HAT1: variants seen among roughly 807,000 people sequenced by gnomAD.
The protein encoded by HAT1 is histone acetyltransferase type B catalytic subunit.
Under a neutral mutation model 56.6 loss-of-function variants are expected in HAT1, and 20 were observed. The ratio of observed to expected loss-of-function variants is 0.35; its 90% CI spans 0.25 to 0.51. HAT1 has a LOEUF of 0.51. Among genes scored for constraint, HAT1 ranks in the 20% least tolerant of loss-of-function variants. HAT1 has a pLI of 0.95. For missense variants in HAT1, 408 were observed against 504.3 expected, an observed-to-expected ratio of 0.81 and a Z score of 1.83; for synonymous variants, 146 against 165.5, an observed-to-expected ratio of 0.88 and a Z score of 0.91.
intron 4 of HAT1, among the ~76,000 whole-genome samples, chr2:171,963,611 A>G (rs1687623654): frequency 6.6e-6 from 1 of 152,214 alleles, no homozygotes; most frequent in African/African-American, 2.4e-5. Flanking sequence ...CCTTTTTAAA[A>G]GTAGTTTTTC....
At chr2:171,957,108 T>C (rs1001735870) in intron 4 of HAT1, among the ~76,000 whole-genome samples, 5 of 152,182 alleles carry the variant, frequency 3.3e-5, no homozygotes, top group Admixed American at 1.3e-4. Flanking sequence ...ATTAAAACTT[T>C]ATAGTGCAGC....
intron 2 of HAT1, among the ~76,000 whole-genome samples, chr2:171,926,316 G>A (rs1439577173): frequency 1.3e-5 from 2 of 151,890 alleles, no homozygotes; most frequent in African/African-American, 2.4e-5. Flanking sequence ...TTTTTGAGAC[G>A]GAGTTTCACT....
At chr2:171,957,135 A>G (rs1463019272) in intron 4 of HAT1, among the ~76,000 whole-genome samples, 1 of 152,190 alleles carries the variant, frequency 6.6e-6, no homozygotes, top group East Asian at 1.9e-4. Flanking sequence ...TGACAGGACA[A>G]AATGAAGGAA....
intron 3 of HAT1, among the ~76,000 whole-genome samples, chr2:171,951,872 A>G (rs1277894775): frequency 6.6e-6 from 1 of 152,162 alleles, no homozygotes; most frequent in African/African-American, 2.4e-5. Flanking sequence ...TGACCCAAGC[A>G]TGATAATTGG....
At chr2:171,977,543 ATATATATATATATAT>A (rs1224075976) in intron 9 of HAT1, among the ~76,000 whole-genome samples, 1 of 13,846 alleles carries the variant, frequency 7.2e-5, no homozygotes, top group African/African-American at 3.3e-4. Flanking sequence ...ATATATATAT[ATATATATATATATAT>A]TTTTTTTTTT....
chr2:171,967,518 A>C (rs1687710775), intron 8 of HAT1, among the ~76,000 whole-genome samples: 1 of 152,142 alleles, frequency 6.6e-6, no homozygotes, highest in Admixed American at 6.6e-5. Flanking sequence ...GCTTAGGAGA[A>C]GGAAAGACGA....
chr2:171,978,338 T>G (rs1385971145), intron 9 of HAT1, among the ~76,000 whole-genome samples: 1 of 152,176 alleles, frequency 6.6e-6, no homozygotes, highest in Non-Finnish European at 1.5e-5. Context: ...TGAGCCACCA[T>G]GTCCAGCCCT....
intron 8 of HAT1, among the ~76,000 whole-genome samples, chr2:171,973,656 C>G (rs1687873552): frequency 6.6e-6 from 1 of 152,148 alleles, no homozygotes; most frequent in Non-Finnish European, 1.5e-5. Flanking sequence ...GCATTAGATT[C>G]TCATAGGAGC....
chr2:171,926,354 C>T (rs2105961599), intron 2 of HAT1, among the ~76,000 whole-genome samples: 1 of 152,214 alleles, frequency 6.6e-6, no homozygotes, highest in South Asian at 2.1e-4. Flanking sequence ...AGTGCAATGG[C>T]GTGATCCTGG....
chr2:171,924,754 A>G (rs1686539081), intron 1 of HAT1: 1 of 152,086 alleles, frequency 6.6e-6, no homozygotes, highest in Non-Finnish European at 1.5e-5. Context: ...GTTACCAGAT[A>G]TTTGTGTATT....
At chr2:171,965,171 G>C in intron 4 of HAT1, 167 bp from the exon 5 acceptor site, 2 of 577,894 alleles carry the variant, frequency 3.5e-6, no homozygotes, top group East Asian at 2.9e-5. Flanking sequence ...GTGTGATGCA[G>C]TTTGTGCACA....
At chr2:171,923,175 A>G (rs1012071141) in intron 1 of HAT1, 4 of 152,072 alleles carry the variant, frequency 2.6e-5, no homozygotes, top group Admixed American at 1.3e-4. Flanking sequence ...TCAAGTTACA[A>G]CATTTAATAA....
At chr2:171,971,698 AT>A (rs1479969064) in intron 8 of HAT1, among the ~76,000 whole-genome samples, 1 of 152,112 alleles carries the variant, frequency 6.6e-6, no homozygotes, top group African/African-American at 2.4e-5. Flanking sequence ...ATAGCTTTAT[AT>A]TTTTTATTTA....
At chr2:171,924,730 C>G (rs1046514928) in intron 1 of HAT1, 1 of 152,030 alleles carries the variant, frequency 6.6e-6, no homozygotes, top group African/African-American at 2.4e-5. Flanking sequence ...CTTTCTTTAC[C>G]CATGGTAACT....
chr2:171,965,696 A>G (rs926969235), intron 5 of HAT1, 91 bp from the exon 6 acceptor site: 3 of 1,275,602 alleles, frequency 2.4e-6, no homozygotes, highest in Non-Finnish European at 3.3e-6. Context: ...GAGACTTCTA[A>G]ACATTTTCCC....
intron 2 of HAT1, among the ~76,000 whole-genome samples, chr2:171,945,933 G>A (rs1021228026): frequency 1.3e-5 from 2 of 152,166 alleles, no homozygotes; most frequent in Admixed American, 1.3e-4. Context: ...GCCTCCCAGA[G>A]TGTTGGGATT....
At chr2:171,955,144 G>A (rs1424045403) in intron 4 of HAT1, among the ~76,000 whole-genome samples, 5 of 152,296 alleles carry the variant, frequency 3.3e-5, no homozygotes, top group Non-Finnish European at 7.3e-5. Flanking sequence ...TATTATAGCA[G>A]CCACAGGAAA....
intron 9 of HAT1, 87 bp downstream of exon 9, chr2:171,976,395 T>G (rs1230326421): frequency 3.0e-6 from 2 of 664,004 alleles, no homozygotes; most frequent in African/African-American, 3.7e-5. Flanking sequence ...TATAAAGACA[T>G]TAAGAATACA....
At chr2:171,949,317 A>C (rs1187925342) in intron 3 of HAT1, among the ~76,000 whole-genome samples, 1 of 151,962 alleles carries the variant, frequency 6.6e-6, no homozygotes, top group Non-Finnish European at 1.5e-5. Flanking sequence ...GCTCAAGCAG[A>C]TCTTCCCACC....
Sources: gnomAD v4.1 joint callset for allele counts (sites outside exome capture counted in the v4.1 genomes callset) on GRCh38, gnomAD v4.1.1 for gene constraint, MANE v1.5 for transcripts, NCBI Gene and HGNC (gene_info 2026-07-23, HGNC 2026-07-21) for gene names.